Variants in LIPI observed in about 807,000 individuals in gnomAD.
LIPI encodes lipase member I.
A neutral mutation model predicts 50.6 loss-of-function variants in LIPI; 59 were observed. That is an observed-to-expected ratio of 1.16 (90% CI 0.94 to 1.45). LIPI has a LOEUF of 1.45. LIPI is among the 40% of genes most tolerant of loss of function. The probability of loss-of-function intolerance (pLI) is 0.00; values close to 1 mark genes in which losing one functional copy is unlikely to be tolerated. For missense variants in LIPI, 586 were observed against 536.3 expected (o/e 1.09, Z -0.92); for synonymous variants, 203 against 178.2 (o/e 1.14, Z -1.11).
chr21:14,117,414 C>T lies in LIPI; in HGVS notation c.1296-8334G>A, dbSNP rs182072105. ...AAGTGGCTAATCAGTGGCTAGAAAG[C>T]AACACCCCAGTAGGCATGGCAGATG... is the stretch of plus-strand genomic sequence containing the variant. On this transcript the variant is annotated intron_variant, in intron 9 of 9. Transcript: ENST00000681601. Among the ~76,000 whole-genome samples, 539 of 152,288 alleles carry T rather than the reference C, an allele frequency of 3.5e-3. 2 individuals carry two copies. Among genetic ancestry groups the T allele is most frequent in the African/African-American group, 0.011 (464 of 41,542 alleles).
rs2016387750 is a variant in LIPI at position 14,110,958 on chromosome 21, C to T, written c.1296-1878G>A. Among the ~76,000 whole-genome samples the T allele has an allele frequency of 3.4e-5, 5 of 147,282 alleles. No homozygotes were observed. In the South Asian group the frequency reaches 1.1e-3, roughly 31 times the overall value. ...CCATATACTATATATATATAATATA[C>T]ATATTATATTTTTCTTACAGCTTCA... On this transcript the variant is annotated intron_variant, in intron 9 of 9. Transcript: ENST00000681601.
At chr21:14,190,376 C>A (rs2019630294) in intron 1 of LIPI, among the ~76,000 whole-genome samples, 1 of 151,934 alleles carries the variant, frequency 6.6e-6, no homozygotes. Context: ...TATGTTCATA[C>A]TGCTTCTAGC....
At chr21:14,146,182 T>G (rs556998163) in intron 8 of LIPI, among the ~76,000 whole-genome samples, 1 of 152,106 alleles carries the variant, frequency 6.6e-6, no homozygotes, top group Non-Finnish European at 1.5e-5. Flanking sequence ...TTTAGTTACA[T>G]GTATCCACTG....
intron 9 of LIPI, among the ~76,000 whole-genome samples, chr21:14,118,271 A>G (rs1050797711): frequency 5.9e-5 from 9 of 152,122 alleles, no homozygotes; most frequent in Admixed American, 5.9e-4. Context: ...TCTCAATTGT[A>G]GTAGGGCGCT....
intron 4 of LIPI, 36 bp downstream of exon 4, chr21:14,181,722 T>A: frequency 1.5e-6 from 2 of 1,315,418 alleles, no homozygotes; most frequent in Non-Finnish European, 2.2e-6. Context: ...TCCTTTTCAT[T>A]TTCAAATAAT....
intron 4 of LIPI, among the ~76,000 whole-genome samples, chr21:14,177,817 TCTTC>T (rs2019147351): frequency 6.6e-6 from 1 of 152,146 alleles, no homozygotes; most frequent in African/African-American, 2.4e-5. Context: ...AGTTCATTGT[TCTTC>T]CTTCCAAAAT....
intron 1 of LIPI, among the ~76,000 whole-genome samples, chr21:14,194,730 T>C (rs2019787518): frequency 6.6e-6 from 1 of 152,208 alleles, no homozygotes; most frequent in South Asian, 2.1e-4. Flanking sequence ...ATTCTGGCGA[T>C]GGATGATGAT....
At chr21:14,153,730 A>T (rs548184965) in intron 7 of LIPI, among the ~76,000 whole-genome samples, 5 of 152,258 alleles carry the variant, frequency 3.3e-5, no homozygotes, top group Admixed American at 1.3e-4. Flanking sequence ...AGGAGAAATG[A>T]TGCTAAAGGA....
intron 8 of LIPI, among the ~76,000 whole-genome samples, chr21:14,146,385 T>A (rs2017904820): frequency 6.6e-6 from 1 of 152,212 alleles, no homozygotes; most frequent in African/African-American, 2.4e-5. Context: ...GATTCACCCT[T>A]GATAGTGCCC....
At chr21:14,170,583 C>G (rs1045663294) in intron 4 of LIPI, among the ~76,000 whole-genome samples, 1 of 152,112 alleles carries the variant, frequency 6.6e-6, no homozygotes, top group Non-Finnish European at 1.5e-5. Flanking sequence ...TAAATGTAAT[C>G]CAGCATAGAA....
chr21:14,114,234 G>T (rs986917362), intron 9 of LIPI, among the ~76,000 whole-genome samples: 2 of 151,360 alleles, frequency 1.3e-5, no homozygotes, highest in Non-Finnish European at 2.9e-5. Flanking sequence ...GGAACAGGAT[G>T]GGGGAACCAC....
chr21:14,109,043 T>C lies in LIPI; in HGVS notation c.1333A>G (p.Arg445Gly). 6.2e-7 allele frequency: 1 copy of C among 1,600,850 alleles called. No homozygotes were observed. ...TTTGGATTAAGAAACACTTCCTCTC[T>C]GTCTTTAAGTACAATATTATACCTG... ...LCRYNIVLKD[R>G]EEVFLNPNTC... Residue 445 changes from arginine (R) to glycine (G), a missense_variant, in exon 10 of 10, where the codon AGA (arginine) becomes GGA (glycine). Transcript: ENST00000681601.
intron 4 of LIPI, 31 bp from the exon 5 acceptor site, chr21:14,166,482 A>T (rs768910089): frequency 1.8e-6 from 2 of 1,116,154 alleles, no homozygotes. Flanking sequence ...GAATCACAAC[A>T]TGTATATAAT....
intron 1 of LIPI, chr21:14,207,028 C>T (rs2020245740): frequency 2.5e-6 from 2 of 792,882 alleles, no homozygotes; most frequent in Non-Finnish European, 4.5e-6. Flanking sequence ...ACAATTGACC[C>T]ACTTTATGCT....
chr21:14,151,475 T>G (rs2018088521), intron 8 of LIPI, among the ~76,000 whole-genome samples: 1 of 152,192 alleles, frequency 6.6e-6, no homozygotes, highest in Non-Finnish European at 1.5e-5. Context: ...GAAACCCTAA[T>G]GTGTTCAATA....
chr21:14,147,226 T>C (rs539449472), intron 8 of LIPI, among the ~76,000 whole-genome samples: 1 of 152,328 alleles, frequency 6.6e-6, no homozygotes, highest in East Asian at 1.9e-4. Flanking sequence ...ACTCGACTAA[T>C]ATAAGCATCA....
intron 9 of LIPI, among the ~76,000 whole-genome samples, chr21:14,140,660 T>C (rs977812918): frequency 5.9e-5 from 9 of 152,144 alleles, no homozygotes; most frequent in African/African-American, 2.2e-4. Context: ...ATATATGACA[T>C]ATCAAAGTCT....
At chr21:14,201,187 G>C (rs968106155) in intron 1 of LIPI, among the ~76,000 whole-genome samples, 1 of 152,024 alleles carries the variant, frequency 6.6e-6, no homozygotes, top group Admixed American at 6.6e-5. Context: ...ATACCATTCA[G>C]AACATAGACA....
chr21:14,119,092 A>C (rs368637157), intron 9 of LIPI, among the ~76,000 whole-genome samples: 9 of 152,186 alleles, frequency 5.9e-5, no homozygotes, highest in Non-Finnish European at 7.3e-5. Flanking sequence ...TCTGCATCCA[A>C]TTAGCCCCTG....
Sources: allele counts gnomAD v4.1 joint callset (sites outside exome capture counted in the v4.1 genomes callset), GRCh38; gene constraint gnomAD v4.1.1; transcripts MANE v1.5; gene names NCBI Gene and HGNC (gene_info 2026-07-23, HGNC 2026-07-21).